Variants in TNFRSF1B observed in about 807,000 individuals in gnomAD.
TNFRSF1B encodes the protein TNF receptor superfamily member 1B, also known as tumor necrosis factor receptor superfamily member 1B.
Under a neutral mutation model 44.6 loss-of-function variants are expected in TNFRSF1B, and 19 were observed. That is an observed-to-expected ratio of 0.43 (90% CI 0.30 to 0.62). The LOEUF (loss-of-function observed/expected upper bound fraction) is 0.62, where lower values mean the gene tolerates loss of function less well. TNFRSF1B is among the 20% of genes least tolerant of loss of function. TNFRSF1B has a pLI of 0.16. For synonymous variants in TNFRSF1B, 252 were observed against 261.1 expected (o/e 0.97, Z 0.34); for missense variants, 541 against 619.9 (o/e 0.87, Z 1.35).
At chr1:12,193,897 C>A in intron 6 of TNFRSF1B, 58 bp from the exon 7 acceptor site, 2 of 1,466,130 alleles carry the variant, frequency 1.4e-6, no homozygotes, top group Non-Finnish European at 1.9e-6. Context: ...GCCTGGCTGG[C>A]CCCTGGTACA....
Position 12,186,977 on chromosome 1 carries a change from A to C in TNFRSF1B, c.79-1819A>C, listed in dbSNP as rs1258948784. The stretch of plus-strand genomic sequence containing the variant: ...TGCCAACCCCAGTCTTTCAGGAGAG[A>C]GGGCAGGACTCAGGGGCTTGCTCCC... On this transcript the variant is annotated intron_variant, in intron 1 of 9. Transcript: ENST00000376259. This position sits in a 1 kb window ranked among gnomAD's most constrained non-coding sequence, Gnocchi z 4.8. Among the ~76,000 whole-genome samples the C allele has an allele frequency of 6.6e-6, 1 of 152,060 alleles. No individual in the cohort carries two copies. The highest frequency in any genetic ancestry group is 1.5e-5 in the Non-Finnish European group (1 of 68,000).
At chr1:12,183,154 G>A (rs1638848332) in intron 1 of TNFRSF1B, among the ~76,000 whole-genome samples, 1 of 152,202 alleles carries the variant, frequency 6.6e-6, no homozygotes, top group Admixed American at 6.5e-5. Context: ...GGTGCTACCT[G>A]TCTTAGAGGA....
Position 12,177,151 on chromosome 1 carries a change from C to T in TNFRSF1B, c.78+9982C>T, listed in dbSNP as rs969952455. ...CCAAGTAGCTGGGACTACAGGCGTGCCCCACCACGCCTGGCTAATTTTTTG... is the reference window on the plus strand; with the variant it reads ...CCAAGTAGCTGGGACTACAGGCGTGTCCCACCACGCCTGGCTAATTTTTTG... On this transcript the variant is annotated intron_variant, in intron 1 of 9. Transcript: ENST00000376259. The surrounding 1 kb of genome is among the most constrained non-coding windows in gnomAD (Gnocchi z 4.3). Among the ~76,000 whole-genome samples, 1 of 152,080 alleles carries T rather than the reference C, an allele frequency of 6.6e-6. No homozygotes were observed. The highest frequency in any genetic ancestry group is 6.5e-5 in the Admixed American group (1 of 15,276).
chr1:12,170,347 A>G (rs1048987415), intron 1 of TNFRSF1B, among the ~76,000 whole-genome samples: 3 of 152,112 alleles, frequency 2.0e-5, no homozygotes, highest in Admixed American at 6.5e-5. Flanking sequence ...TGCCCTTATG[A>G]GCTTAGCTGA....
chr1:12,177,943 C>A lies in TNFRSF1B; in HGVS notation c.78+10774C>A, dbSNP rs1336480765. 6.6e-6 allele frequency among the ~76,000 whole-genome samples: 1 copy of A among 152,204 alleles called. No homozygotes were observed. The highest frequency in any genetic ancestry group is 1.9e-4 in the East Asian group (1 of 5,202). On this transcript the variant is annotated intron_variant, in intron 1 of 9. Coordinates refer to ENST00000376259, the MANE Select transcript of TNFRSF1B (RefSeq NM_001066.3). This position sits in a 1 kb window ranked among gnomAD's most constrained non-coding sequence, Gnocchi z 4.3. Reference sequence around the variant, plus strand: ...CATCATCCCCATTTTACAGAAGAGGCCTTTGAAGCACAGAGATTAACTGAC... The same window carrying A: ...CATCATCCCCATTTTACAGAAGAGGACTTTGAAGCACAGAGATTAACTGAC...
In TNFRSF1B at chr1:12,206,887, A is replaced by G; in HGVS notation, c.1253A>G (p.Asp418Gly). Residue 418 changes from aspartate to glycine, a missense_variant, in exon 10 of 10, where the codon GAC (aspartate) becomes GGC (glycine). Transcript: ENST00000376259. ...TDSSPSESPK[D>G]EQVPFSKEEC... ...TCCAGCCCCTCGGAGTCCCCGAAGG[A>G]CGAGCAGGTCCCCTTCTCCAAGGAG... 1 of 1,614,220 alleles carries G rather than the reference A, an allele frequency of 6.2e-7. No homozygotes were observed. The highest frequency in any genetic ancestry group is 1.1e-5 in the South Asian group (1 of 91,090).
In TNFRSF1B at chr1:12,177,516, G is replaced by T. The variant is rs1016108356; in HGVS notation, c.78+10347G>T. 6.6e-6 allele frequency among the ~76,000 whole-genome samples: 1 copy of T among 152,134 alleles called. No homozygotes were observed. Among genetic ancestry groups the T allele is most frequent in the African/African-American group, 2.4e-5 (1 of 41,422 alleles). Reference sequence around the variant, plus strand: ...AGCAGGATTCCAGGGCCTGCCTGGCGCTGCTACCCCTGTGCCTCCAGACCC... The same window carrying T: ...AGCAGGATTCCAGGGCCTGCCTGGCTCTGCTACCCCTGTGCCTCCAGACCC... On this transcript the variant is annotated intron_variant, in intron 1 of 9. Coordinates refer to ENST00000376259, the MANE Select transcript of TNFRSF1B (RefSeq NM_001066.3). The surrounding 1 kb of genome is among the most constrained non-coding windows in gnomAD (Gnocchi z 4.3).
At chr1:12,197,200 G>C (rs962108689) in intron 8 of TNFRSF1B, among the ~76,000 whole-genome samples, 1 of 151,954 alleles carries the variant, frequency 6.6e-6, no homozygotes, top group East Asian at 1.9e-4. Flanking sequence ...TGCCCACCTC[G>C]GTCTCCCAAA....
intron 8 of TNFRSF1B, 28 bp downstream of exon 8, chr1:12,194,646 T>G: frequency 3.7e-6 from 6 of 1,613,834 alleles, no homozygotes; most frequent in Non-Finnish European, 5.1e-6. Context: ...CCTCTCCCCC[T>G]CTTCCCCTGG....
At chr1:12,172,621 T>C (rs1284774829) in intron 1 of TNFRSF1B, among the ~76,000 whole-genome samples, 1 of 152,226 alleles carries the variant, frequency 6.6e-6, no homozygotes, top group Non-Finnish European at 1.5e-5. Context: ...CCTGTCTAAG[T>C]GGCTTTGTTG....
chr1:12,203,654 TGAA>T (rs1463354822), intron 9 of TNFRSF1B, among the ~76,000 whole-genome samples: 1 of 152,038 alleles, frequency 6.6e-6, no homozygotes, highest in African/African-American at 2.4e-5. Flanking sequence ...TACACACTGT[TGAA>T]TGAATGAATG....
intron 3 of TNFRSF1B, 29 bp from the exon 4 acceptor site, chr1:12,191,745 G>C: frequency 6.2e-7 from 1 of 1,611,934 alleles, no homozygotes; most frequent in Non-Finnish European, 8.5e-7. Context: ...AGGCAGGCGT[G>C]ACCGTTTGCC....
At chr1:12,183,686 A>AT (rs201977730) in intron 1 of TNFRSF1B, among the ~76,000 whole-genome samples, 1,649 of 118,288 alleles carry the variant, frequency 0.014, 21 homozygotes, top group Middle Eastern at 0.042. Context: ...CTATCTATCT[A>AT]TCTATCTATC....
At chr1:12,192,674 G>C in intron 5 of TNFRSF1B, 150 bp downstream of exon 5, 2 of 975,348 alleles carry the variant, frequency 2.1e-6, no homozygotes. Context: ...ATGGTGGGCA[G>C]GACCTTGCCC....
chr1:12,169,408 G>A lies in TNFRSF1B; in HGVS notation c.78+2239G>A, dbSNP rs893919534. On this transcript the variant is annotated intron_variant, in intron 1 of 9. Coordinates refer to ENST00000376259, the MANE Select transcript of TNFRSF1B (RefSeq NM_001066.3). This position sits in a 1 kb window ranked among gnomAD's most constrained non-coding sequence, Gnocchi z 4.5. ...CAACTCCCAAGAGGTGGGTGGTGCC[G>A]TTTGTCTTTAGAGATGTGGAAACTG... is the stretch of plus-strand genomic sequence containing the variant. 3.3e-5 allele frequency among the ~76,000 whole-genome samples: 5 copies of A among 152,148 alleles called. No individual in the cohort carries two copies. Among genetic ancestry groups the A allele is most frequent in the Admixed American group, 6.5e-5 (1 of 15,288 alleles).
chr1:12,191,747 C>G (rs1421534995), intron 3 of TNFRSF1B, 27 bp from the exon 4 acceptor site: 1 of 1,612,090 alleles, frequency 6.2e-7, no homozygotes, highest in South Asian at 1.1e-5. Flanking sequence ...GCAGGCGTGA[C>G]CGTTTGCCGC....
intron 1 of TNFRSF1B, among the ~76,000 whole-genome samples, chr1:12,170,684 A>T (rs1429889960): frequency 6.6e-6 from 1 of 152,142 alleles, no homozygotes; most frequent in East Asian, 1.9e-4. Flanking sequence ...TTTTTCTGAG[A>T]TGGAGTCTTG....
At position 12,194,610 on chromosome 1, in the gene TNFRSF1B, GC is replaced by G; in HGVS notation, c.894del (p.Lys299ArgfsTer22). On this transcript the variant is annotated frameshift_variant, in exon 8 of 10. Transcript: ENST00000376259. LOFTEE classifies it high-confidence loss of function. ...GAAGCCCTTGTGCCTGCAGAGAGAA[GC>G]CAAGGTGGTGAGTGTCTCCACTGCC... ...KKKPLCLQRE[A>X]KVPHLPADKA... is the part of the protein sequence containing the mutation. 6.2e-7 allele frequency: 1 copy of G among 1,614,168 alleles called. No homozygotes were observed. Among genetic ancestry groups the G allele is most frequent in the Non-Finnish European group, 8.5e-7 (1 of 1,179,998 alleles).
At position 12,180,216 on chromosome 1, in the gene TNFRSF1B, G is replaced by A. The variant is rs999181972; in HGVS notation, c.79-8580G>A. Among the ~76,000 whole-genome samples, 2 of 152,170 alleles carry A rather than the reference G, an allele frequency of 1.3e-5. No homozygotes were observed. The highest frequency in any genetic ancestry group is 2.9e-5 in the Non-Finnish European group (2 of 68,030). On this transcript the variant is annotated intron_variant, in intron 1 of 9. Coordinates refer to ENST00000376259, the MANE Select transcript of TNFRSF1B (RefSeq NM_001066.3). The surrounding 1 kb of genome is among the most constrained non-coding windows in gnomAD (Gnocchi z 4.3). ...AGGCTGAGGGAGGAGGATCGCTTAAGGCCAGGAGTTCAAGACCAGTCTGGA... is the reference window on the plus strand; with the variant it reads ...AGGCTGAGGGAGGAGGATCGCTTAAAGCCAGGAGTTCAAGACCAGTCTGGA...
Sources: allele counts gnomAD v4.1 joint callset (sites outside exome capture counted in the v4.1 genomes callset), GRCh38; gene constraint gnomAD v4.1.1; non-coding constraint Gnocchi (gnomAD v3.1); transcripts MANE v1.5; gene names NCBI Gene and HGNC (gene_info 2026-07-23, HGNC 2026-07-21).